FRMD4B: variants seen among roughly 807,000 people sequenced by gnomAD.
FRMD4B encodes the protein FERM domain containing 4B.
FRMD4B carries 74 observed loss-of-function variants against 141.5 expected under a neutral mutation model. The ratio of observed to expected loss-of-function variants is 0.52; its 90% CI spans 0.43 to 0.63. The LOEUF (loss-of-function observed/expected upper bound fraction) is 0.63, where lower values mean the gene tolerates loss of function less well. FRMD4B is among the 30% of genes least tolerant of loss of function. The pLI, the probability that FRMD4B is intolerant of heterozygous loss-of-function variation, is 0.00. For synonymous variants in FRMD4B, 506 were observed against 467.9 expected (o/e 1.08, Z -1.05); for missense variants, 1,366 against 1,253.4 (o/e 1.09, Z -1.36).
chr3:69,196,629 T>G (rs536415209), intron 13 of FRMD4B: 6 of 576,580 alleles, frequency 1.0e-5, no homozygotes, highest in Non-Finnish European at 1.8e-5. Flanking sequence ...TTACTAACTT[T>G]GAAGTGTCAC....
At chr3:69,399,091 C>G (rs1704517819) in intron 2 of FRMD4B, among the ~76,000 whole-genome samples, 1 of 152,082 alleles carries the variant, frequency 6.6e-6, no homozygotes, top group South Asian at 2.1e-4. Context: ...GGAAGAAGCC[C>G]AAATGCAATA....
At chr3:69,223,696 G>A (rs1026013639) in intron 8 of FRMD4B, among the ~76,000 whole-genome samples, 3 of 151,716 alleles carry the variant, frequency 2.0e-5, no homozygotes, top group Admixed American at 6.6e-5. Context: ...AAAATTAGCC[G>A]AGCCTAGTGG....
intron 7 of FRMD4B, among the ~76,000 whole-genome samples, chr3:69,226,941 G>A (rs1173750782): frequency 1.3e-5 from 2 of 152,066 alleles, no homozygotes; most frequent in African/African-American, 2.4e-5. Context: ...AGTATCTCAC[G>A]ACACTGAGAT....
At chr3:69,229,015 G>GTTTTT (rs58912710) in intron 7 of FRMD4B, among the ~76,000 whole-genome samples, 33 of 121,000 alleles carry the variant, frequency 2.7e-4, no homozygotes, top group Non-Finnish European at 3.3e-4. Context: ...TCAAAATCAT[G>GTTTTT]TTTTTTTTTT....
intron 1 of FRMD4B, among the ~76,000 whole-genome samples, chr3:69,435,641 C>G (rs1705248747): frequency 6.6e-6 from 1 of 152,164 alleles, no homozygotes; most frequent in African/African-American, 2.4e-5. Context: ...TTTGCTGGCC[C>G]TTTACAGAGA....
intron 2 of FRMD4B, among the ~76,000 whole-genome samples, chr3:69,415,588 C>T (rs1010376337): frequency 2.0e-5 from 3 of 152,204 alleles, no homozygotes; most frequent in Non-Finnish European, 2.9e-5. Context: ...CAGTCTTCAA[C>T]TCTCAGCTAA....
At chr3:69,374,715 C>T (rs759173207) in intron 1 of FRMD4B, among the ~76,000 whole-genome samples, 33 of 152,144 alleles carry the variant, frequency 2.2e-4, no homozygotes, top group Non-Finnish European at 4.4e-4. Context: ...CTAGTATAAA[C>T]CAGACAGTAG....
In FRMD4B at chr3:69,250,152, G is replaced by C. The variant is rs757730869; in HGVS notation, c.502-53C>G. On this transcript the variant is annotated intron_variant, in intron 5 of 22. Coordinates refer to ENST00000398540, the MANE Select transcript of FRMD4B (RefSeq NM_015123.3). ...GAACATGGGGCTGTCCTAGATTGTA[G>C]CAAATGGCTCTGAAGTTGAGGAAGC... The C allele has an allele frequency of 4.1e-6, 5 of 1,228,908 alleles. No individual in the cohort carries two copies. In the African/African-American group the frequency reaches 7.4e-5, roughly 18 times the overall value. The allele number at this position is 1,228,908 out of a possible 1,614,324, so 76.1% of individuals were successfully genotyped here. A position where few individuals can be genotyped will look rare whatever the true frequency, so the allele number is the denominator to read the frequency against.
intron 11 of FRMD4B, among the ~76,000 whole-genome samples, chr3:69,211,634 C>T (rs938807861): frequency 3.9e-5 from 6 of 152,160 alleles, no homozygotes; most frequent in African/African-American, 1.2e-4. Context: ...AGTAAATTTC[C>T]CTTCTTCTGG....
intron 1 of FRMD4B, among the ~76,000 whole-genome samples, chr3:69,515,873 G>C (rs1056037002): frequency 1.2e-4 from 19 of 152,192 alleles, no homozygotes; most frequent in African/African-American, 4.6e-4. Flanking sequence ...ATAACTTTTG[G>C]AGTTAACATC....
intron 1 of FRMD4B, among the ~76,000 whole-genome samples, chr3:69,324,010 G>A (rs557958239): frequency 2.0e-4 from 30 of 152,112 alleles, no homozygotes; most frequent in Middle Eastern, 6.8e-3. Context: ...CCACTGTCTC[G>A]AAGCAAGGCC....
At chr3:69,195,708 AAAGT>A in intron 14 of FRMD4B, among the ~76,000 whole-genome samples, 1 of 9,758 alleles carries the variant, frequency 1.0e-4, no homozygotes, top group Admixed American at 2.7e-3. Context: ...GTTCTTTTAA[AAAGT>A]AAGCAAGCAA....
intron 1 of FRMD4B, among the ~76,000 whole-genome samples, chr3:69,503,999 G>A (rs1352778161): frequency 6.6e-6 from 1 of 152,158 alleles, no homozygotes; most frequent in Admixed American, 6.6e-5. Context: ...AAAAGGAATG[G>A]TCATTGTATT....
intron 11 of FRMD4B, among the ~76,000 whole-genome samples, chr3:69,203,320 C>CAAAAAAAAAAA (rs796607832): frequency 1.1e-4 from 12 of 107,896 alleles, no homozygotes; most frequent in African/African-American, 1.9e-4. Context: ...CAAACTTCAG[C>CAAAAAAAAAAA]AAAAAAAAAA....
At chr3:69,414,679 A>G (rs1177124688) in intron 2 of FRMD4B, among the ~76,000 whole-genome samples, 1 of 152,190 alleles carries the variant, frequency 6.6e-6, no homozygotes, top group Non-Finnish European at 1.5e-5. Context: ...GCATTTCAAC[A>G]CTATCATGAG....
chr3:69,182,647 G>A lies in FRMD4B; in HGVS notation c.1990C>T (p.Pro664Ser). 1 of 1,613,572 alleles carries A rather than the reference G, an allele frequency of 6.2e-7. No homozygotes were observed. The highest frequency in any genetic ancestry group is 8.5e-7 in the Non-Finnish European group (1 of 1,179,580). ...TTTCGGGTAAGAACTGGCGTGGTGG[G>A]CATGCTTCGTCCTCCCTGGGGCCGC... ...ERRPQGGRSM[P>S]TTPVLTRNAY... is the part of the protein sequence containing the mutation. Residue 664 changes from proline to serine, a missense_variant, in exon 20 of 23, where the codon CCC (proline) becomes TCC (serine). Physicochemically the swap from Pro to Ser is moderately conservative, Grantham distance 74. Coordinates refer to ENST00000398540, the MANE Select transcript of FRMD4B (RefSeq NM_015123.3).
intron 5 of FRMD4B, among the ~76,000 whole-genome samples, chr3:69,265,281 T>A (rs1462892789): frequency 0.092 from 349 of 3,804 alleles, 94 homozygotes; most frequent in East Asian, 0.14. Flanking sequence ...TATATATATA[T>A]ATATATATAT....
intron 1 of FRMD4B, among the ~76,000 whole-genome samples, chr3:69,330,340 CTTTTTTTTTTTT>C (rs34238889): frequency 2.3e-5 from 1 of 42,928 alleles, no homozygotes. Flanking sequence ...ATTCTTTTGC[CTTTTTTTTTTTT>C]TTTTTTTTTT....
chr3:69,508,438 A>C (rs939185765), intron 1 of FRMD4B, among the ~76,000 whole-genome samples: 13 of 152,214 alleles, frequency 8.5e-5, no homozygotes, highest in Non-Finnish European at 1.8e-4. Context: ...CTGTTGGGAC[A>C]AATTACATGG....
Sources: gnomAD v4.1 joint callset for allele counts (sites outside exome capture counted in the v4.1 genomes callset) on GRCh38, gnomAD v4.1.1 for gene constraint, MANE v1.5 for transcripts, NCBI Gene and HGNC (gene_info 2026-07-23, HGNC 2026-07-21) for gene names.